The following CADM1 variants were observed in gnomAD, a reference collection of about 807,000 sequenced individuals.
The protein encoded by CADM1 is TSLC-1.
In CADM1, 15 loss-of-function variants were observed where a neutral mutation model predicts 53.1. That is an observed-to-expected ratio of 0.28 (90% confidence interval 0.19 to 0.44). CADM1 has a LOEUF of 0.44. CADM1 is among the 20% of genes least tolerant of loss of function. The probability of loss-of-function intolerance (pLI) is 1.00; values close to 1 mark genes in which losing one functional copy is unlikely to be tolerated. For synonymous variants in CADM1, 281 were observed against 243.0 expected (o/e 1.16, Z -1.45); for missense variants, 434 against 611.3 (o/e 0.71, Z 3.06).
intron 1 of CADM1, among the ~76,000 whole-genome samples, chr11:115,298,972 A>G (rs1944149814): frequency 6.6e-6 from 1 of 152,222 alleles, no homozygotes; most frequent in Non-Finnish European, 1.5e-5. Flanking sequence ...CGGAATACTA[A>G]TATCAAGAAG....
chr11:115,307,767 G>A (rs111311376), intron 1 of CADM1, among the ~76,000 whole-genome samples: 1 of 151,818 alleles, frequency 6.6e-6, no homozygotes, highest in African/African-American at 2.4e-5. Flanking sequence ...TAGTTGCCTT[G>A]AAGGGTCATA....
chr11:115,443,403 G>A (rs1349986235), intron 1 of CADM1, among the ~76,000 whole-genome samples: 1 of 152,186 alleles, frequency 6.6e-6, no homozygotes, highest in African/African-American at 2.4e-5. Context: ...ACCCAAAGCT[G>A]TGTAGCCTGG....
rs139051341 is a variant in CADM1 at position 115,214,629 on chromosome 11, C to A, written c.973G>T (p.Asp325Tyr). 1 of 1,614,032 alleles carries A rather than the reference C, an allele frequency of 6.2e-7. No individual in the cohort carries two copies. Among genetic ancestry groups the A allele is most frequent in the Non-Finnish European group, 8.5e-7 (1 of 1,179,938 alleles). Residue 325 changes from aspartate (D) to tyrosine (Y), a missense_variant, in exon 7 of 12, where the codon GAT becomes TAT. By Grantham distance (160) the Asp-to-Tyr change is radical. Transcript: ENST00000331581. ...GTACCGTATACATACAGCATATAAT[C>A]CGAGTGAGCTTTCCCCACTATGTTT... is the stretch of plus-strand genomic sequence containing the variant. ...ASNIVGKAHSDYMLYVYDPPT... is the reference protein window; with the variant it reads ...ASNIVGKAHSYYMLYVYDPPT...
At chr11:115,323,192 T>C (rs1200861909) in intron 1 of CADM1, among the ~76,000 whole-genome samples, 2 of 152,182 alleles carry the variant, frequency 1.3e-5, no homozygotes, top group African/African-American at 4.8e-5. Context: ...ACTAATGGCA[T>C]TGAACATCTT....
chr11:115,176,758 G>A (rs61908509), intron 11 of CADM1, among the ~76,000 whole-genome samples, 166 bp from the exon 12 acceptor site: 4,120 of 152,190 alleles, frequency 0.027, 103 homozygotes, highest in Non-Finnish European at 0.036. Context: ...GACAAAGGGG[G>A]ATCCGGGGGT....
intron 1 of CADM1, among the ~76,000 whole-genome samples, chr11:115,282,080 A>AT (rs554538339): frequency 4.0e-5 from 6 of 151,872 alleles, no homozygotes; most frequent in Admixed American, 2.0e-4. Flanking sequence ...TTGCTTTATT[A>AT]TTTTTTTTGG....
At chr11:115,455,963 C>A (rs1045518163) in intron 1 of CADM1, among the ~76,000 whole-genome samples, 33 of 152,258 alleles carry the variant, frequency 2.2e-4, no homozygotes, top group Middle Eastern at 3.4e-3. Flanking sequence ...TGCTGAACAT[C>A]CTACAACTGG....
At chr11:115,321,289 A>G (rs1216800920) in intron 1 of CADM1, among the ~76,000 whole-genome samples, 1 of 152,184 alleles carries the variant, frequency 6.6e-6, no homozygotes, top group Non-Finnish European at 1.5e-5. Context: ...TTAACTCTAT[A>G]TTATCTCTGC....
At chr11:115,424,668 A>T (rs868253900) in intron 1 of CADM1, among the ~76,000 whole-genome samples, 1 of 152,096 alleles carries the variant, frequency 6.6e-6, no homozygotes, top group East Asian at 1.9e-4. Flanking sequence ...CTGAGATTAC[A>T]GATGTGCACC....
intron 10 of CADM1, among the ~76,000 whole-genome samples, chr11:115,184,359 G>A (rs1394732118): frequency 6.6e-6 from 1 of 152,116 alleles, no homozygotes; most frequent in Admixed American, 6.5e-5. Context: ...AATGGCATGC[G>A]CTGACAAAAT....
chr11:115,265,509 C>T (rs1002075419), intron 1 of CADM1, among the ~76,000 whole-genome samples: 18 of 152,170 alleles, frequency 1.2e-4, no homozygotes, highest in South Asian at 2.1e-4. Context: ...ACACAGAAAA[C>T]GCTTTTGGTA....
chr11:115,400,561 GATATAT>G lies in CADM1; in HGVS notation c.124+103704_124+103709del, dbSNP rs111342034. On this transcript the variant is annotated intron_variant, in intron 1 of 11. Transcript: ENST00000331581. ...CAGACCTACATATATATATGGTGGT[GATATAT>G]ATATATATATAATATATATATATAT... 1.1e-3 allele frequency among the ~76,000 whole-genome samples: 146 copies of G among 129,254 alleles called. 2 individuals are homozygous for G. The highest frequency in any genetic ancestry group is 3.1e-4 in the Non-Finnish European group (19 of 61,496). 84.8% of individuals were successfully genotyped at this position (129,254 alleles called of 152,430 possible).
chr11:115,471,101 T>A (rs1486209458), intron 1 of CADM1, among the ~76,000 whole-genome samples: 1 of 152,338 alleles, frequency 6.6e-6, no homozygotes, highest in East Asian at 1.9e-4. Context: ...TCTTGGCTAT[T>A]CATGTACATT....
chr11:115,263,001 T>A (rs1943022078), intron 1 of CADM1, among the ~76,000 whole-genome samples: 1 of 152,242 alleles, frequency 6.6e-6, no homozygotes, highest in Non-Finnish European at 1.5e-5. Flanking sequence ...AGAGTACCGG[T>A]CAGCTATTTT....
chr11:115,182,968 A>G (rs1428567698), intron 10 of CADM1, among the ~76,000 whole-genome samples: 1 of 152,206 alleles, frequency 6.6e-6, no homozygotes, highest in Non-Finnish European at 1.5e-5. Context: ...CACAGCTTCA[A>G]CAACCCTGGG....
intron 1 of CADM1, among the ~76,000 whole-genome samples, chr11:115,503,590 T>C (rs1949781973): frequency 6.6e-6 from 1 of 151,810 alleles, no homozygotes; most frequent in African/African-American, 2.4e-5. Context: ...GCCGGGGAAC[T>C]TTCCCCGCCT....
chr11:115,311,048 T>C (rs1367964226), intron 1 of CADM1, among the ~76,000 whole-genome samples: 1 of 152,178 alleles, frequency 6.6e-6, no homozygotes, highest in African/African-American at 2.4e-5. Flanking sequence ...CTTCGTGATA[T>C]GATATCCCTA....
At chr11:115,422,428 G>C (rs1305366900) in intron 1 of CADM1, among the ~76,000 whole-genome samples, 1 of 152,084 alleles carries the variant, frequency 6.6e-6, no homozygotes, top group Non-Finnish European at 1.5e-5. Context: ...AAAATAAAAG[G>C]CTCCATCTTC....
chr11:115,308,958 A>G (rs1484093103), intron 1 of CADM1, among the ~76,000 whole-genome samples: 1 of 152,116 alleles, frequency 6.6e-6, no homozygotes, highest in African/African-American at 2.4e-5. Flanking sequence ...CAGTTAAACT[A>G]TGTGTTACAC....
Sources: allele counts gnomAD v4.1 joint callset (sites outside exome capture counted in the v4.1 genomes callset), GRCh38; gene constraint gnomAD v4.1.1; transcripts MANE v1.5; gene names NCBI Gene and HGNC (gene_info 2026-07-23, HGNC 2026-07-21).